SKAP1: variants seen among roughly 807,000 people sequenced by gnomAD.
SKAP1 encodes src kinase-associated phosphoprotein 1.
Under a neutral mutation model 58.5 loss-of-function variants are expected in SKAP1, and 44 were observed. The ratio of observed to expected loss-of-function variants is 0.75; its 90% CI spans 0.59 to 0.97. SKAP1 has a LOEUF of 0.97. Among genes scored for constraint, SKAP1 ranks in the 50% least tolerant of loss-of-function variants. SKAP1 has a pLI of 0.00. For missense variants in SKAP1, 390 were observed against 435.2 expected (o/e 0.90, Z 0.92); for synonymous variants, 127 against 149.7 (o/e 0.85, Z 1.11).
chr17:48,276,914 T>G (rs1180842181), intron 4 of SKAP1, among the ~76,000 whole-genome samples: 1 of 152,212 alleles, frequency 6.6e-6, no homozygotes, highest in African/African-American at 2.4e-5. Flanking sequence ...ATACTTTATG[T>G]AACAAGTGCA....
chr17:48,178,689 G>C (rs559879373), intron 9 of SKAP1, among the ~76,000 whole-genome samples: 7 of 152,276 alleles, frequency 4.6e-5, no homozygotes, highest in Non-Finnish European at 7.4e-5. Context: ...TTTATCACCT[G>C]TGAAATTTTA....
chr17:48,288,248 T>C (rs865927052), intron 4 of SKAP1, among the ~76,000 whole-genome samples: 1 of 152,228 alleles, frequency 6.6e-6, no homozygotes, highest in African/African-American at 2.4e-5. Flanking sequence ...ATGAAAGTCA[T>C]CAATAATTTC....
intron 11 of SKAP1, among the ~76,000 whole-genome samples, chr17:48,146,704 C>G (rs2063837037): frequency 6.6e-6 from 1 of 151,922 alleles, no homozygotes; most frequent in African/African-American, 2.4e-5. Context: ...TCTCGGCTCA[C>G]TGCAACCTCT....
intron 4 of SKAP1, among the ~76,000 whole-genome samples, chr17:48,305,094 A>G (rs1386268959): frequency 2.0e-5 from 3 of 152,214 alleles, no homozygotes; most frequent in Admixed American, 6.5e-5. Context: ...ATATTTCTAA[A>G]TGGTTGGAGA....
chr17:48,156,554 T>G (rs1184311990), intron 11 of SKAP1: 5 of 503,810 alleles, frequency 9.9e-6, no homozygotes, highest in Non-Finnish European at 2.0e-5. Flanking sequence ...TTCAGAAATA[T>G]CTGAGTCCAA....
At chr17:48,312,532 T>C (rs1294128446) in intron 4 of SKAP1, among the ~76,000 whole-genome samples, 1 of 152,208 alleles carries the variant, frequency 6.6e-6, no homozygotes, top group Non-Finnish European at 1.5e-5. Context: ...TTAAAAATAA[T>C]ACCAGGGTAA....
chr17:48,158,177 C>CAAAA lies in SKAP1; in HGVS notation c.978+4288_978+4291dup, dbSNP rs55933327. 1.9e-3 allele frequency among the ~76,000 whole-genome samples: 206 copies of CAAAA among 106,254 alleles called. 1 individual carries two copies. Among genetic ancestry groups the CAAAA allele is most frequent in the African/African-American group, 6.8e-3 (194 of 28,450 alleles). 69.7% of individuals were successfully genotyped at this position (106,254 alleles called of 152,430 possible). A position where few individuals can be genotyped will look rare whatever the true frequency, so the allele number is the denominator to read the frequency against. On this transcript the variant is annotated intron_variant, in intron 11 of 12. Coordinates refer to ENST00000336915, the MANE Select transcript of SKAP1 (RefSeq NM_003726.4). ...GGGCAACGAGAGCAAAACTCTGTCT[C>CAAAA]AAAAAAAAAAAAAAAAAAAAATGCG... is the stretch of plus-strand genomic sequence containing the variant.
chr17:48,376,491 G>A (rs751737365), intron 2 of SKAP1, among the ~76,000 whole-genome samples: 24 of 152,218 alleles, frequency 1.6e-4, no homozygotes, highest in Non-Finnish European at 2.6e-4. Flanking sequence ...GGAAAAACTC[G>A]GCTATCATGC....
At chr17:48,283,320 A>G (rs1424595301) in intron 4 of SKAP1, among the ~76,000 whole-genome samples, 2 of 152,242 alleles carry the variant, frequency 1.3e-5, no homozygotes, top group Non-Finnish European at 2.9e-5. Flanking sequence ...TAAGAAAAAT[A>G]AAATAATAAT....
intron 4 of SKAP1, among the ~76,000 whole-genome samples, chr17:48,279,632 A>G (rs2065743462): frequency 6.6e-6 from 1 of 152,218 alleles, no homozygotes; most frequent in African/African-American, 2.4e-5. Context: ...TAATTATGTG[A>G]TAAATTCCAC....
At chr17:48,191,177 C>T (rs2064540327) in intron 4 of SKAP1, among the ~76,000 whole-genome samples, 1 of 152,046 alleles carries the variant, frequency 6.6e-6, no homozygotes, top group Non-Finnish European at 1.5e-5. Context: ...GGGGTTTATA[C>T]TTACTTCACA....
At chr17:48,414,140 T>C (rs2067703267) in intron 1 of SKAP1, among the ~76,000 whole-genome samples, 1 of 152,108 alleles carries the variant, frequency 6.6e-6, no homozygotes, top group Admixed American at 6.6e-5. Context: ...GCAAAGAATA[T>C]AGACTTAAAT....
chr17:48,413,523 A>AAAAAAAAAAAATATATATATATAT, intron 1 of SKAP1, among the ~76,000 whole-genome samples: 1 of 105,452 alleles, frequency 9.5e-6, no homozygotes, highest in Non-Finnish European at 1.9e-5. Flanking sequence ...TCAAAAAAAA[A>AAAAAAAAAAAATATATATATATAT]ATATATATAT....
At chr17:48,160,837 T>C (rs2064058668) in intron 11 of SKAP1, among the ~76,000 whole-genome samples, 1 of 152,224 alleles carries the variant, frequency 6.6e-6, no homozygotes, top group African/African-American at 2.4e-5. Flanking sequence ...GTAATGCCAG[T>C]GTGGTAATGT....
At chr17:48,432,813 C>T (rs557009548), upstream of SKAP1, among the ~76,000 whole-genome samples, 2 of 152,352 alleles carry the variant, frequency 1.3e-5, no homozygotes, top group South Asian at 2.1e-4. Flanking sequence ...ATATAAGCTA[C>T]CAGCTAATGA....
chr17:48,201,305 GTTCCTTCCTTCC>G (rs913658915), intron 4 of SKAP1, among the ~76,000 whole-genome samples: 1 of 131,758 alleles, frequency 7.6e-6, no homozygotes, highest in African/African-American at 2.9e-5. Flanking sequence ...TCCTTTCTTC[GTTCCTTCCTTCC>G]TTCCTTCTCT....
At chr17:48,199,305 G>A (rs1292147698) in intron 4 of SKAP1, among the ~76,000 whole-genome samples, 1 of 152,152 alleles carries the variant, frequency 6.6e-6, no homozygotes, top group Non-Finnish European at 1.5e-5. Context: ...AGATTTTTAA[G>A]TACTTGGTGT....
chr17:48,160,902 A>G (rs150715044), intron 11 of SKAP1, among the ~76,000 whole-genome samples: 41 of 152,336 alleles, frequency 2.7e-4, no homozygotes, highest in Middle Eastern at 3.4e-3. Context: ...AATACCAATC[A>G]GGCCAATGTC....
At chr17:48,370,043 T>C (rs1021267170) in intron 2 of SKAP1, among the ~76,000 whole-genome samples, 41 of 152,302 alleles carry the variant, frequency 2.7e-4, no homozygotes, top group Middle Eastern at 6.8e-3. Flanking sequence ...ATAATAGATA[T>C]GATTCGTCTA....
Sources: allele counts gnomAD v4.1 joint callset (sites outside exome capture counted in the v4.1 genomes callset), GRCh38; gene constraint gnomAD v4.1.1; transcripts MANE v1.5; gene names NCBI Gene and HGNC (gene_info 2026-07-23, HGNC 2026-07-21).